Variants in NAV3 observed in about 807,000 individuals in gnomAD.
NAV3 encodes the protein neuron navigator 3.
A neutral mutation model predicts 244.7 loss-of-function variants in NAV3; 87 were observed. The ratio of observed to expected loss-of-function variants is 0.36; its 90% CI spans 0.30 to 0.42. NAV3 has a LOEUF of 0.42. NAV3 is among the 20% of genes least tolerant of loss of function. The pLI is 1.00. For missense variants in NAV3, 2,663 were observed against 2,893.3 expected (o/e 0.92, Z 1.83); for synonymous variants, 1,126 against 1,042.2 (o/e 1.08, Z -1.55).
chr12:78,157,130 G>T (rs1046254390), intron 22 of NAV3, among the ~76,000 whole-genome samples: 1 of 152,070 alleles, frequency 6.6e-6, no homozygotes, highest in African/African-American at 2.4e-5. Context: ...AGAGCTTCTT[G>T]GTTCTTGAAA....
chr12:78,188,926 C>A (rs1354354107), intron 33 of NAV3, 149 bp downstream of exon 33: 1 of 625,278 alleles, frequency 1.6e-6, no homozygotes, highest in East Asian at 2.8e-5. Context: ...CATTTCATAC[C>A]AAAACTATTA....
rs148437211 is a variant in NAV3, at chr12:77,699,758, G to T, written c.72+127492G>T. Among the ~76,000 whole-genome samples the T allele has an allele frequency of 2.5e-3, 371 of 149,514 alleles. 1 individual carries two copies. Among genetic ancestry groups the T allele is most frequent in the Admixed American group, 4.4e-3 (66 of 14,864 alleles). On this transcript the variant is annotated intron_variant, in intron 2 of 8. Coordinates refer to the NAV3 transcript ENST00000550042. Reference sequence around the variant, plus strand: ...GTGGCTCAAGGTACCAAGAGTGAATGTCCCAGTGAGCAAGGCCATGTCTGC... The same window carrying T: ...GTGGCTCAAGGTACCAAGAGTGAATTTCCCAGTGAGCAAGGCCATGTCTGC...
At chr12:78,081,943 G>A (rs999560479) in intron 12 of NAV3, among the ~76,000 whole-genome samples, 1 of 152,146 alleles carries the variant, frequency 6.6e-6, no homozygotes, top group East Asian at 1.9e-4. Flanking sequence ...TGGCTAATAT[G>A]GTTTAGCTGT....
In NAV3 at chr12:78,146,401, A is replaced by AT; in HGVS notation, c.4707+9_4707+10insT. ...AAAAGGCTCATTCAGAGGTAAAAAAAAAATATGCAATATTTTAATATTTTC... is the reference window on the plus strand; with the variant it reads ...AAAAGGCTCATTCAGAGGTAAAAAAATAAATATGCAATATTTTAATATTTTC... On this transcript the variant is annotated intron_variant, in intron 21 of 39. Coordinates refer to ENST00000397909, the MANE Select transcript of NAV3 (RefSeq NM_001024383.2). The AT allele has an allele frequency of 9.2e-7, 1 of 1,089,364 alleles. No homozygotes were observed. The highest frequency in any genetic ancestry group is 1.3e-6 in the Non-Finnish European group (1 of 783,198). The allele number at this position is 1,089,364 out of a possible 1,614,324, so 67.5% of individuals were successfully genotyped here.
rs554379242 is a variant in NAV3 at position 77,831,755 on chromosome 12, T to A, written c.243+51T>A. 7.8e-6 allele frequency: 12 copies of A among 1,533,336 alleles called. No individual in the cohort carries two copies. In the African/African-American group the frequency reaches 1.7e-4, roughly 21 times the overall value. 95.0% of individuals were successfully genotyped at this position (1,533,336 alleles called of 1,614,324 possible). A position where few individuals can be genotyped will look rare whatever the true frequency, so the allele number is the denominator to read the frequency against. On this transcript the variant is annotated intron_variant, in intron 1 of 39. Transcript: ENST00000397909. ...CTTGTGTAGCTAAAATGCACATTTC[T>A]CTTTAAGTGCACTATAAAACATGTT... is the stretch of plus-strand genomic sequence containing the variant.
chr12:77,605,954 A>T (rs1352323931), intron 2 of NAV3, among the ~76,000 whole-genome samples: 1 of 152,184 alleles, frequency 6.6e-6, no homozygotes, highest in African/African-American at 2.4e-5. Flanking sequence ...GCGATTCCAC[A>T]GGGAACATTT....
At position 78,188,359 on chromosome 12, in the gene NAV3, C is replaced by T; in HGVS notation, c.5886+16C>T. The T allele has an allele frequency of 6.4e-7, 1 of 1,570,976 alleles. No individual in the cohort carries two copies. ...TCTCTTTAAGGTATGTTGTGCAAGA[C>T]ACCCTAATAGTACTTTTCAAATATG... On this transcript the variant is annotated intron_variant, in intron 32 of 39. Transcript: ENST00000397909.
At chr12:77,801,400 T>C (rs768551542) in intron 2 of NAV3, among the ~76,000 whole-genome samples, 36 of 152,178 alleles carry the variant, frequency 2.4e-4, no homozygotes, top group Non-Finnish European at 1.5e-4. Flanking sequence ...TTAAAATTCA[T>C]ATTTTTAACA....
At chr12:78,004,530 T>C (rs13377689) in intron 7 of NAV3, among the ~76,000 whole-genome samples, 1 of 152,202 alleles carries the variant, frequency 6.6e-6, no homozygotes, top group Non-Finnish European at 1.5e-5. Flanking sequence ...TAGTCAGAAG[T>C]TGAGTAATCA....
At chr12:77,590,040 T>A (rs112876808) in intron 2 of NAV3, among the ~76,000 whole-genome samples, 2 of 152,344 alleles carry the variant, frequency 1.3e-5, no homozygotes, top group African/African-American at 4.8e-5. Context: ...TTAGTTTTAT[T>A]GGCTACTGTA....
intron 12 of NAV3, among the ~76,000 whole-genome samples, chr12:78,115,851 T>C (rs1387419121): frequency 6.6e-6 from 1 of 152,230 alleles, no homozygotes; most frequent in African/African-American, 2.4e-5. Flanking sequence ...AAGTACACTC[T>C]ATGATGTTCT....
intron 30 of NAV3, among the ~76,000 whole-genome samples, chr12:78,181,822 C>T (rs1012498606): frequency 3.3e-5 from 5 of 151,936 alleles, no homozygotes; most frequent in African/African-American, 1.2e-4. Flanking sequence ...TAGTACACTG[C>T]TTGCCTTAAA....
intron 9 of NAV3, among the ~76,000 whole-genome samples, chr12:78,044,740 T>C (rs1881472384): frequency 6.6e-6 from 1 of 152,184 alleles, no homozygotes; most frequent in East Asian, 1.9e-4. Context: ...TTGTCTGTTA[T>C]TGGTGTATAG....
At chr12:78,163,767 C>A (rs919428452) in intron 23 of NAV3, among the ~76,000 whole-genome samples, 1 of 152,006 alleles carries the variant, frequency 6.6e-6, no homozygotes, top group African/African-American at 2.4e-5. Context: ...TACCCTATAC[C>A]TAACCTAGGA....
At chr12:77,958,388 A>G (rs1457536157) in intron 3 of NAV3, among the ~76,000 whole-genome samples, 1 of 152,212 alleles carries the variant, frequency 6.6e-6, no homozygotes, top group Non-Finnish European at 1.5e-5. Flanking sequence ...GTGAATAAAT[A>G]AATAGTGTGT....
At chr12:78,123,382 G>C (rs1320416001) in intron 16 of NAV3, among the ~76,000 whole-genome samples, 1 of 150,142 alleles carries the variant, frequency 6.7e-6, no homozygotes, top group Non-Finnish European at 1.5e-5. Flanking sequence ...TGATATTGAT[G>C]ATGGCATTTA....
At chr12:77,781,113 G>C (rs1199758420) in intron 2 of NAV3, among the ~76,000 whole-genome samples, 2 of 152,116 alleles carry the variant, frequency 1.3e-5, no homozygotes, top group Admixed American at 6.5e-5. Context: ...ATCTCACAAG[G>C]CTGCAATGAA....
At chr12:78,100,961 C>A (rs2138204134) in intron 12 of NAV3, among the ~76,000 whole-genome samples, 1 of 152,228 alleles carries the variant, frequency 6.6e-6, no homozygotes, top group East Asian at 1.9e-4. Flanking sequence ...CTCAAAGAAG[C>A]AGTTATTTAT....
At chr12:77,955,800 G>T (rs965269286) in intron 3 of NAV3, among the ~76,000 whole-genome samples, 2 of 152,120 alleles carry the variant, frequency 1.3e-5, no homozygotes, top group Admixed American at 1.3e-4. Context: ...AGCCCAGGAG[G>T]TGGAGGTTGT....
Sources: gnomAD v4.1 joint callset for allele counts (sites outside exome capture counted in the v4.1 genomes callset) on GRCh38, gnomAD v4.1.1 for gene constraint, MANE v1.5 for transcripts, NCBI Gene and HGNC (gene_info 2026-07-23, HGNC 2026-07-21) for gene names.